DAB1: variants seen among roughly 807,000 people sequenced by gnomAD.
DAB1 encodes DAB adaptor protein 1.
Under a neutral mutation model 64.6 loss-of-function variants are expected in DAB1, and 15 were observed. That is an observed-to-expected ratio of 0.23 (90% CI 0.16 to 0.36). DAB1 has a LOEUF of 0.36. DAB1 is among the 10% of genes least tolerant of loss of function. The pLI is 1.00. For synonymous variants in DAB1, 235 were observed against 251.9 expected, an observed-to-expected ratio of 0.93 and a Z score of 0.64; for missense variants, 596 against 706.7, an observed-to-expected ratio of 0.84 and a Z score of 1.78.
intron 7 of DAB1, among the ~76,000 whole-genome samples, chr1:57,601,990 G>T (rs911961108): frequency 2.0e-5 from 3 of 152,142 alleles, no homozygotes; most frequent in Non-Finnish European, 4.4e-5. Context: ...TTACAGAAAT[G>T]CTCTGAGGTG....
intron 4 of DAB1, among the ~76,000 whole-genome samples, chr1:57,128,339 GCCAAAGGGCTCATGGACC>G (rs1304069356): frequency 6.6e-6 from 1 of 151,940 alleles, no homozygotes; most frequent in Non-Finnish European, 1.5e-5. Context: ...ATCTCCCAAT[GCCAAAGGGCTCATGGACC>G]CATCGTGGGA....
Position 57,328,233 on chromosome 1 carries a change from C to T in DAB1, c.-136-37067G>A, listed in dbSNP as rs535211524. On this transcript the variant is annotated intron_variant, in intron 1 of 14. Transcript: ENST00000371236. ...CAGGAATTAGAGGCAAAGAGAAAAG[C>T]CTACCTGTAAGGAGAATGGCTAGCG... is the stretch of plus-strand genomic sequence containing the variant. Among the ~76,000 whole-genome samples the T allele has an allele frequency of 1.7e-4, 26 of 152,232 alleles. No homozygotes were observed. In the South Asian group the frequency reaches 5.4e-3, roughly 32 times the overall value.
At chr1:58,482,635 A>G (rs760488079) in intron 3 of DAB1, among the ~76,000 whole-genome samples, 16 of 152,188 alleles carry the variant, frequency 1.1e-4, no homozygotes, top group Non-Finnish European at 1.8e-4. Flanking sequence ...GTAAAATCTT[A>G]GAAAGACTAT....
chr1:57,660,119 G>A (rs1217774514), intron 6 of DAB1, among the ~76,000 whole-genome samples: 1 of 152,018 alleles, frequency 6.6e-6, no homozygotes, highest in African/African-American at 2.4e-5. Context: ...ATTCCAGTAT[G>A]GATTTAAGAA....
intron 2 of DAB1, among the ~76,000 whole-genome samples, chr1:57,181,941 A>T (rs1662988973): frequency 6.6e-6 from 1 of 152,190 alleles, no homozygotes; most frequent in Non-Finnish European, 1.5e-5. Flanking sequence ...GCTGCAGTGC[A>T]GTGGTGCCAT....
intron 6 of DAB1, among the ~76,000 whole-genome samples, chr1:57,725,177 A>G (rs1037078624): frequency 6.6e-6 from 1 of 152,180 alleles, no homozygotes; most frequent in South Asian, 2.1e-4. Flanking sequence ...TAACAATAAT[A>G]ACACTATGAA....
At chr1:57,053,044 C>G (rs1160014361) in intron 9 of DAB1, among the ~76,000 whole-genome samples, 1 of 152,194 alleles carries the variant, frequency 6.6e-6, no homozygotes, top group Non-Finnish European at 1.5e-5. Context: ...TTTGCAGAAA[C>G]TGCTTTCACA....
chr1:57,657,504 C>G (rs115392122), intron 6 of DAB1, among the ~76,000 whole-genome samples: 1 of 152,168 alleles, frequency 6.6e-6, no homozygotes, highest in Non-Finnish European at 1.5e-5. Context: ...AGTTCCCAGA[C>G]AGAGATTTGG....
chr1:57,002,408 C>T (rs916919089), intron 14 of DAB1, among the ~76,000 whole-genome samples: 17 of 152,140 alleles, frequency 1.1e-4, no homozygotes, highest in Non-Finnish European at 8.8e-5. Flanking sequence ...GAATGTATCA[C>T]AAGATTTGGG....
chr1:58,231,806 T>G (rs1317614039), intron 4 of DAB1, among the ~76,000 whole-genome samples: 1 of 152,140 alleles, frequency 6.6e-6, no homozygotes, highest in Non-Finnish European at 1.5e-5. Context: ...TGGAGTATAG[T>G]CTCCAAAGTT....
chr1:58,458,207 CA>C (rs895078734), intron 3 of DAB1, among the ~76,000 whole-genome samples: 39 of 152,188 alleles, frequency 2.6e-4, no homozygotes, highest in Admixed American at 6.5e-5. Context: ...TTCAAATGCT[CA>C]ATAGCCACAT....
chr1:58,068,923 C>T (rs1270814538), intron 5 of DAB1, among the ~76,000 whole-genome samples: 4 of 152,150 alleles, frequency 2.6e-5, no homozygotes, highest in Non-Finnish European at 5.9e-5. Flanking sequence ...TGGTGTGACA[C>T]ACAACACCAC....
chr1:58,473,715 T>A (rs72669891), intron 3 of DAB1: 17,271 of 407,452 alleles, frequency 0.042, 478 homozygotes, highest in Non-Finnish European at 0.052. Flanking sequence ...ATTGCTCTTG[T>A]TACTGCTCTT....
At chr1:58,309,910 A>C (rs1280453466) in intron 4 of DAB1, among the ~76,000 whole-genome samples, 1 of 152,174 alleles carries the variant, frequency 6.6e-6, no homozygotes, top group Non-Finnish European at 1.5e-5. Flanking sequence ...TAATAAAATA[A>C]GCAAGTTGTT....
At chr1:58,453,143 T>C (rs1414493688) in intron 3 of DAB1, among the ~76,000 whole-genome samples, 1 of 152,082 alleles carries the variant, frequency 6.6e-6, no homozygotes, top group East Asian at 1.9e-4. Flanking sequence ...AAAGATACCG[T>C]GCATGATTCC....
chr1:57,227,466 A>T (rs998931130), intron 2 of DAB1, among the ~76,000 whole-genome samples: 6 of 151,598 alleles, frequency 4.0e-5, no homozygotes, highest in Admixed American at 2.6e-4. Context: ...TAAATAGATA[A>T]GGAGCAACAG....
chr1:58,352,290 A>C (rs1367979168), intron 3 of DAB1, among the ~76,000 whole-genome samples: 1 of 152,152 alleles, frequency 6.6e-6, no homozygotes, highest in Non-Finnish European at 1.5e-5. Context: ...AATCCTGTGT[A>C]TATGCCAGAG....
intron 1 of DAB1, among the ~76,000 whole-genome samples, chr1:57,340,290 G>C (rs1224098584): frequency 1.3e-5 from 2 of 152,172 alleles, no homozygotes; most frequent in African/African-American, 4.8e-5. Flanking sequence ...ATTAATGCCT[G>C]TACACAAGTT....
At chr1:57,871,339 ATTTAT>A (rs149470854) in intron 1 of DAB1, among the ~76,000 whole-genome samples, 2,673 of 152,274 alleles carry the variant, frequency 0.018, 91 homozygotes, top group African/African-American at 0.062. Context: ...AAGTGAATTG[ATTTAT>A]TTAATTATCA....
Sources: gnomAD v4.1 joint callset for allele counts (sites outside exome capture counted in the v4.1 genomes callset) on GRCh38, gnomAD v4.1.1 for gene constraint, MANE v1.5 for transcripts, NCBI Gene and HGNC (gene_info 2026-07-23, HGNC 2026-07-21) for gene names.